TENT5C: variants seen among roughly 807,000 people sequenced by gnomAD.
TENT5C encodes terminal nucleotidyltransferase 5C, also known as family with sequence similarity 46 member C.
Under a neutral mutation model 22.2 loss-of-function variants are expected in TENT5C, and 5 were observed. The observed-to-expected ratio is 0.22, with a 90% confidence interval of 0.12 to 0.47. TENT5C has a LOEUF of 0.47. Ranked by LOEUF, TENT5C falls within the 20% of genes least tolerant of loss-of-function variation. The pLI, the probability that TENT5C is intolerant of heterozygous loss-of-function variation, is 0.99. For synonymous variants in TENT5C, 199 were observed against 195.4 expected, an observed-to-expected ratio of 1.02 and a Z score of -0.15; for missense variants, 364 against 500.9, an observed-to-expected ratio of 0.73 and a Z score of 2.61.
Position 117,627,894 on chromosome 1 carries a change from T to C in TENT5C, c.*3850T>C. The C allele has an allele frequency of 8.1e-6, 2 of 247,930 alleles. No homozygotes were observed. The highest frequency in any genetic ancestry group is 1.7e-5 in the Non-Finnish European group (2 of 118,100). The allele number at this position is 247,930 out of a possible 1,614,324, so 15.4% of individuals were successfully genotyped here. ...TGTGTGTTCAAGTGCCTAAATCTTG[T>C]TTACCTATCACTTTAAAAAAATAAT... On this transcript the variant is annotated 3_prime_UTR_variant, in exon 2 of 2. Coordinates refer to ENST00000369448, the MANE Select transcript of TENT5C (RefSeq NM_017709.4).
At chr1:117,612,249 G>A (rs536570124) in intron 1 of TENT5C, among the ~76,000 whole-genome samples, 2 of 152,168 alleles carry the variant, frequency 1.3e-5, no homozygotes, top group Non-Finnish European at 2.9e-5. Context: ...AGAGTGAAAG[G>A]AAAGTCAGTT....
chr1:117,618,820 C>T (rs1653838527), intron 1 of TENT5C, among the ~76,000 whole-genome samples: 1 of 152,208 alleles, frequency 6.6e-6, no homozygotes, highest in South Asian at 2.1e-4. Flanking sequence ...AAAACTACTA[C>T]CTGCATATGT....
intron 1 of TENT5C, among the ~76,000 whole-genome samples, chr1:117,620,422 T>C (rs1376279711): frequency 2.0e-5 from 3 of 152,224 alleles, no homozygotes; most frequent in Non-Finnish European, 4.4e-5. Flanking sequence ...AACAGGTGAT[T>C]CACACTAGCA....
Position 117,622,951 on chromosome 1 carries a change from T to C in TENT5C, c.83T>C (p.Val28Ala). 6.2e-7 allele frequency: 1 copy of C among 1,614,142 alleles called. No individual in the cohort carries two copies. The change falls in exon 2 of 2, where the codon GTC becomes GCC. Residue 28 changes from valine to alanine, a missense_variant. Val to Ala is a moderately conservative substitution (Grantham distance 64, BLOSUM62 0). Around this residue, in one of 3 missense-constraint regions of TENT5C, gnomAD observed 303 missense variants for 394.5 expected, o/e 0.77. Transcript: ENST00000369448. Reference sequence around the variant, plus strand: ...GATCAGGTTAGCCGGCTGCATGAGGTCCTCACTGAAGTTGTACCTATCCAC... The same window carrying C: ...GATCAGGTTAGCCGGCTGCATGAGGCCCTCACTGAAGTTGTACCTATCCAC... ...NWDQVSRLHEVLTEVVPIHGR... is the reference protein window; with the variant it reads ...NWDQVSRLHEALTEVVPIHGR...
Position 117,606,084 on chromosome 1 carries a change from T to A in TENT5C, c.-97T>A, listed in dbSNP as rs1197114606. On this transcript the variant is annotated 5_prime_UTR_variant, in exon 1 of 2. Coordinates refer to ENST00000369448, the MANE Select transcript of TENT5C (RefSeq NM_017709.4). ...TGCCGCTGCCTAGGGGCTGTAGAGG[T>A]CGCGCCGCTCCTGCTGGGGCCTGCC... 6.6e-6 allele frequency: 1 copy of A among 152,002 alleles called. No homozygotes were observed. The highest frequency in any genetic ancestry group is 1.5e-5 in the Non-Finnish European group (1 of 68,138). The allele number at this position is 152,002 out of a possible 1,614,324, so 9.4% of individuals were successfully genotyped here. A position where few individuals can be genotyped will look rare whatever the true frequency, so the allele number is the denominator to read the frequency against.
At position 117,625,778 on chromosome 1, in the gene TENT5C, G is replaced by A. The variant is rs563859392; in HGVS notation, c.*1734G>A. 4.0e-6 allele frequency: 1 copy of A among 248,008 alleles called. No homozygotes were observed. The highest frequency in any genetic ancestry group is 2.2e-5 in the African/African-American group (1 of 45,444). 15.4% of individuals were successfully genotyped at this position (248,008 alleles called of 1,614,324 possible). On this transcript the variant is annotated 3_prime_UTR_variant, in exon 2 of 2. Transcript: ENST00000369448. ...TTTCAAGTTTATTCTGGAATGTGAT[G>A]TCTTGGTCCTCTTAAAAGCAGATCA...
chr1:117,613,448 A>T (rs1653709951), intron 1 of TENT5C, among the ~76,000 whole-genome samples: 2 of 152,098 alleles, frequency 1.3e-5, no homozygotes, highest in African/African-American at 4.8e-5. Flanking sequence ...CTCCACCCAC[A>T]CTTGCCCAAG....
chr1:117,615,082 T>C (rs534518153), intron 1 of TENT5C, among the ~76,000 whole-genome samples: 2 of 152,376 alleles, frequency 1.3e-5, no homozygotes, highest in Admixed American at 6.5e-5. Context: ...TGTTAGATAC[T>C]TCAGTTCTAA....
chr1:117,624,257 T>C lies in TENT5C; in HGVS notation c.*213T>C, dbSNP rs1010975471. The C allele has an allele frequency of 7.2e-6, 4 of 552,278 alleles. No homozygotes were observed. The highest frequency in any genetic ancestry group is 1.9e-5 in the African/African-American group (1 of 52,272). The allele number at this position is 552,278 out of a possible 1,614,324, so 34.2% of individuals were successfully genotyped here. A position where few individuals can be genotyped will look rare whatever the true frequency, so the allele number is the denominator to read the frequency against. The stretch of plus-strand genomic sequence containing the variant: ...AAAGGACCCGTATTACAGTGCCACG[T>C]TGGAAAACGCTACAGGAAGCATGAC... On this transcript the variant is annotated 3_prime_UTR_variant, in exon 2 of 2. Coordinates refer to ENST00000369448, the MANE Select transcript of TENT5C (RefSeq NM_017709.4).
chr1:117,609,261 G>A (rs1653612425), intron 1 of TENT5C, among the ~76,000 whole-genome samples: 1 of 152,204 alleles, frequency 6.6e-6, no homozygotes, highest in Admixed American at 6.5e-5. Flanking sequence ...AAATAGTTTA[G>A]AGGAAGCATC....
chr1:117,608,408 C>T (rs1653593528), intron 1 of TENT5C, among the ~76,000 whole-genome samples: 1 of 152,262 alleles, frequency 6.6e-6, no homozygotes, highest in East Asian at 1.9e-4. Context: ...CTGTATCTCC[C>T]CATAGTGCAC....
At chr1:117,620,564 G>A (rs1653870585) in intron 1 of TENT5C, among the ~76,000 whole-genome samples, 2 of 152,116 alleles carry the variant, frequency 1.3e-5, no homozygotes, top group African/African-American at 2.4e-5. Context: ...ACTTAATTGT[G>A]TAGCTCAGGG....
At chr1:117,612,116 G>A (rs1390603197) in intron 1 of TENT5C, among the ~76,000 whole-genome samples, 1 of 152,198 alleles carries the variant, frequency 6.6e-6, no homozygotes, top group Non-Finnish European at 1.5e-5. Context: ...CCAAAGTTAT[G>A]GAAGGAGAGT....
At position 117,622,847 on chromosome 1, in the gene TENT5C, C is replaced by T. The variant is rs1653923948; in HGVS notation, c.-22C>T. 1 of 1,597,508 alleles carries T rather than the reference C, an allele frequency of 6.3e-7. No individual in the cohort carries two copies. Among genetic ancestry groups the T allele is most frequent in the Admixed American group, 1.7e-5 (1 of 59,596 alleles). On this transcript the variant is annotated 5_prime_UTR_variant, in exon 2 of 2. Coordinates refer to ENST00000369448, the MANE Select transcript of TENT5C (RefSeq NM_017709.4). The stretch of plus-strand genomic sequence containing the variant: ...TTCTCACCCCTCACTTTCAGTTTCC[C>T]CAGCCAGAACATCCCCTGAAGATGG...
intron 1 of TENT5C, among the ~76,000 whole-genome samples, chr1:117,618,821 C>G (rs1241110886): frequency 1.3e-5 from 2 of 152,196 alleles, no homozygotes; most frequent in Non-Finnish European, 2.9e-5. Context: ...AAACTACTAC[C>G]TGCATATGTT....
At chr1:117,615,942 T>C (rs1008140283) in intron 1 of TENT5C, among the ~76,000 whole-genome samples, 2 of 152,216 alleles carry the variant, frequency 1.3e-5, no homozygotes, top group African/African-American at 4.8e-5. Flanking sequence ...TGTGTCCTTT[T>C]TTGTTAGGAC....
chr1:117,610,169 G>A (rs949826533), intron 1 of TENT5C, among the ~76,000 whole-genome samples: 39 of 152,016 alleles, frequency 2.6e-4, no homozygotes, highest in Admixed American at 2.5e-3. Flanking sequence ...CCGTAGACAG[G>A]AACTTGATGA....
chr1:117,608,350 A>T (rs1417867724), intron 1 of TENT5C, among the ~76,000 whole-genome samples: 1 of 152,188 alleles, frequency 6.6e-6, no homozygotes, highest in Non-Finnish European at 1.5e-5. Context: ...CCGTGAGCAC[A>T]AGTAGCCACT....
chr1:117,626,518 C>T lies in TENT5C; in HGVS notation c.*2474C>T, dbSNP rs895987223. ...TGACCAAAGCTGTACTTTTAAAACA[C>T]AACCCCTGGGCTAGTGATGTCTCTA... is the stretch of plus-strand genomic sequence containing the variant. On this transcript the variant is annotated 3_prime_UTR_variant, in exon 2 of 2. Transcript: ENST00000369448. The T allele has an allele frequency of 8.1e-6, 2 of 247,894 alleles. No individual in the cohort carries two copies. The highest frequency in any genetic ancestry group is 1.7e-5 in the Non-Finnish European group (2 of 118,018). The allele number at this position is 247,894 out of a possible 1,614,324, so 15.4% of individuals were successfully genotyped here.
Sources: allele counts gnomAD v4.1 joint callset (sites outside exome capture counted in the v4.1 genomes callset), GRCh38; gene constraint gnomAD v4.1.1; regional missense constraint gnomAD v4.1.1; transcripts MANE v1.5; gene names NCBI Gene and HGNC (gene_info 2026-07-23, HGNC 2026-07-21).